Variants in PDE7B observed in about 807,000 individuals in gnomAD.
PDE7B encodes the protein 3',5'-cyclic-AMP phosphodiesterase 7B.
PDE7B carries 29 observed loss-of-function variants against 56.2 expected under a neutral mutation model. The ratio of observed to expected loss-of-function variants is 0.52; its 90% CI spans 0.38 to 0.70. The LOEUF is 0.70. PDE7B is among the 30% of genes least tolerant of loss of function. PDE7B has a pLI of 0.00. For missense variants in PDE7B, 490 were observed against 565.0 expected (o/e 0.87, Z 1.35); for synonymous variants, 197 against 196.9 (o/e 1.00, Z 0.00).
intron 8 of PDE7B, among the ~76,000 whole-genome samples, chr6:136,162,756 G>A (rs890961880): frequency 6.6e-6 from 1 of 152,176 alleles, no homozygotes; most frequent in African/African-American, 2.4e-5. Context: ...CAGGCATTGG[G>A]TAAATACACC....
chr6:135,982,943 G>C (rs974030484), intron 2 of PDE7B, among the ~76,000 whole-genome samples: 3 of 152,100 alleles, frequency 2.0e-5, no homozygotes, highest in Admixed American at 2.0e-4. Flanking sequence ...AACCTCAGAA[G>C]AACTCCCAGT....
intron 2 of PDE7B, among the ~76,000 whole-genome samples, chr6:136,057,140 T>C (rs879538253): frequency 6.6e-6 from 1 of 152,242 alleles, no homozygotes; most frequent in Non-Finnish European, 1.5e-5. Flanking sequence ...TGCTGGTACA[T>C]AATAAGCTAA....
At chr6:135,855,684 C>T (rs540178047) in intron 1 of PDE7B, among the ~76,000 whole-genome samples, 77 of 152,270 alleles carry the variant, frequency 5.1e-4, no homozygotes, top group Middle Eastern at 3.4e-3. Flanking sequence ...CGTACATTGG[C>T]GTCCTCTTCA....
At chr6:136,110,114 G>GTT (rs141553779) in intron 3 of PDE7B, among the ~76,000 whole-genome samples, 21 of 151,826 alleles carry the variant, frequency 1.4e-4, no homozygotes, top group African/African-American at 4.1e-4. Flanking sequence ...TGCAATGTCT[G>GTT]TTTTTTTTAG....
intron 2 of PDE7B, among the ~76,000 whole-genome samples, chr6:135,994,745 A>G (rs1462385924): frequency 6.6e-6 from 1 of 152,224 alleles, no homozygotes; most frequent in Non-Finnish European, 1.5e-5. Flanking sequence ...GTAAAGAATA[A>G]GATAGCAACT....
At chr6:136,021,195 T>A (rs1776064390) in intron 2 of PDE7B, among the ~76,000 whole-genome samples, 1 of 152,216 alleles carries the variant, frequency 6.6e-6, no homozygotes, top group African/African-American at 2.4e-5. Context: ...GACATCAACT[T>A]AGGTATCTCA....
chr6:135,980,530 A>G (rs1775276212), intron 2 of PDE7B, among the ~76,000 whole-genome samples: 1 of 151,914 alleles, frequency 6.6e-6, no homozygotes, highest in Admixed American at 6.6e-5. Context: ...GAAAATTTTC[A>G]CAACCTACTC....
intron 1 of PDE7B, among the ~76,000 whole-genome samples, chr6:135,858,150 A>T (rs1775072788): frequency 6.6e-6 from 1 of 151,938 alleles, no homozygotes; most frequent in Admixed American, 6.6e-5. Flanking sequence ...TAATTTAATT[A>T]CTATTTTTTT....
At chr6:136,115,623 G>A (rs1199152488) in intron 3 of PDE7B, among the ~76,000 whole-genome samples, 1 of 152,202 alleles carries the variant, frequency 6.6e-6, no homozygotes, top group African/African-American at 2.4e-5. Flanking sequence ...TAACCTGTCT[G>A]ACATCATTTA....
chr6:136,127,850 C>T (rs1177425815), intron 3 of PDE7B, among the ~76,000 whole-genome samples: 5 of 152,140 alleles, frequency 3.3e-5, no homozygotes, highest in South Asian at 4.1e-4. Flanking sequence ...CTGGGGTGAA[C>T]GCAAAAGAGA....
intron 1 of PDE7B, among the ~76,000 whole-genome samples, chr6:135,936,447 G>A (rs758539645): frequency 1.3e-5 from 2 of 152,188 alleles, no homozygotes; most frequent in Non-Finnish European, 2.9e-5. Context: ...GATGGCTGGA[G>A]TTTAACAAGT....
intron 1 of PDE7B, among the ~76,000 whole-genome samples, chr6:135,876,945 A>G (rs1379287308): frequency 4.0e-5 from 6 of 151,572 alleles, no homozygotes; most frequent in Non-Finnish European, 7.4e-5. Flanking sequence ...CTTCATTGTG[A>G]AAATGTCCTT....
At chr6:135,961,255 ATGTGTGTG>A (rs961322926) in intron 2 of PDE7B, among the ~76,000 whole-genome samples, 1 of 146,090 alleles carries the variant, frequency 6.8e-6, no homozygotes, top group Non-Finnish European at 1.5e-5. Flanking sequence ...TAGAGTGTAT[ATGTGTGTG>A]TGTGTGTGTG....
chr6:136,009,025 A>T (rs9483900), intron 2 of PDE7B, among the ~76,000 whole-genome samples: 19,667 of 150,342 alleles, frequency 0.13, 2,831 homozygotes, highest in African/African-American at 0.36. Context: ...GGTGTAAGGA[A>T]GGGATCCAGT....
At chr6:136,094,908 G>A (rs1777448233) in intron 2 of PDE7B, 1 of 152,180 alleles carries the variant, frequency 6.6e-6, no homozygotes, top group Non-Finnish European at 1.5e-5. Flanking sequence ...GATGCAAAGG[G>A]TGATGATACC....
At chr6:136,186,965 A>G in intron 11 of PDE7B, 71 bp from the exon 12 acceptor site, 1 of 837,584 alleles carries the variant, frequency 1.2e-6, no homozygotes, top group Non-Finnish European at 2.0e-6. Context: ...CGAGGTCATT[A>G]AAATTATTAA....
Position 135,924,617 on chromosome 6 carries a change from CTT to C in PDE7B, c.22-22823_22-22822del, listed in dbSNP as rs3037775. ...TGAGTAGTGGAATCTCTCTCTCTCT[CTT>C]TTTTTTTTTTTTTTTTTTTTTTTGT... On this transcript the variant is annotated intron_variant, in intron 1 of 12. Transcript: ENST00000308191. Among the ~76,000 whole-genome samples the C allele has an allele frequency of 6.8e-3, 336 of 49,562 alleles. 1 individual carries two copies. The highest frequency in any genetic ancestry group is 0.025 in the East Asian group (30 of 1,216). The allele number at this position is 49,562 out of a possible 152,430, so 32.5% of individuals were successfully genotyped here. A position where few individuals can be genotyped will look rare whatever the true frequency, so the allele number is the denominator to read the frequency against.
At chr6:135,987,840 C>A (rs925755565) in intron 2 of PDE7B, among the ~76,000 whole-genome samples, 8 of 141,178 alleles carry the variant, frequency 5.7e-5, no homozygotes, top group Non-Finnish European at 1.2e-4. Flanking sequence ...CACACACACA[C>A]ATACACACAC....
intron 1 of PDE7B, among the ~76,000 whole-genome samples, chr6:135,864,682 T>C (rs1775217821): frequency 6.6e-6 from 1 of 152,156 alleles, no homozygotes; most frequent in South Asian, 2.1e-4. Context: ...CAATTAGGGC[T>C]TGTATGGTTT....
Sources: allele counts gnomAD v4.1 joint callset (sites outside exome capture counted in the v4.1 genomes callset), GRCh38; gene constraint gnomAD v4.1.1; transcripts MANE v1.5; gene names NCBI Gene and HGNC (gene_info 2026-07-23, HGNC 2026-07-21).